CRPPA: variants seen among roughly 807,000 people sequenced by gnomAD.
The protein encoded by CRPPA is D-ribitol-5-phosphate cytidylyltransferase.
CRPPA carries 43 observed loss-of-function variants against 52.0 expected under a neutral mutation model. The ratio of observed to expected loss-of-function variants is 0.83; its 90% CI spans 0.65 to 1.07. CRPPA has a LOEUF of 1.07. Among genes scored for constraint, CRPPA ranks in the 50% least tolerant of loss-of-function variants. CRPPA has a pLI of 0.00. For missense variants in CRPPA, 629 were observed against 551.7 expected (o/e 1.14, Z -1.40); for synonymous variants, 250 against 203.5 (o/e 1.23, Z -1.94).
At chr7:16,217,408 T>C (rs1349530297) in intron 8 of CRPPA, among the ~76,000 whole-genome samples, 35 of 149,780 alleles carry the variant, frequency 2.3e-4, no homozygotes, top group Admixed American at 1.3e-4. Flanking sequence ...AGGAACGCAG[T>C]TCCTCACCAG....
intron 9 of CRPPA, among the ~76,000 whole-genome samples, chr7:16,189,306 G>C (rs1183891701): frequency 1.3e-5 from 2 of 152,146 alleles, no homozygotes; most frequent in South Asian, 4.1e-4. Flanking sequence ...ACAGAACTGG[G>C]TTGGGCACAG....
chr7:16,311,681 G>A (rs1322521613), intron 3 of CRPPA, among the ~76,000 whole-genome samples: 4 of 152,114 alleles, frequency 2.6e-5, no homozygotes, highest in African/African-American at 9.7e-5. Flanking sequence ...CTTATGGTAA[G>A]AGTATGTTTT....
Position 16,376,339 on chromosome 7 carries a change from C to T in CRPPA, c.535-98G>A, listed in dbSNP as rs1237116438. 3.4e-6 allele frequency: 4 copies of T among 1,183,552 alleles called. No individual in the cohort carries two copies. In the African/African-American group the frequency reaches 6.2e-5, roughly 18 times the overall value. 73.3% of individuals were successfully genotyped at this position (1,183,552 alleles called of 1,614,324 possible). A position where few individuals can be genotyped will look rare whatever the true frequency, so the allele number is the denominator to read the frequency against. ...TCACTTTTGACAGATCTTATTCATA[C>T]CTTCAACAAGCTACCTTAAGAAAAC... On this transcript the variant is annotated intron_variant, in intron 2 of 9. Coordinates refer to ENST00000407010, the MANE Select transcript of CRPPA (RefSeq NM_001101426.4).
chr7:16,357,128 A>G (rs1434558326), intron 3 of CRPPA, among the ~76,000 whole-genome samples: 1 of 152,026 alleles, frequency 6.6e-6, no homozygotes, highest in African/African-American at 2.4e-5. Context: ...CCCCCTGTGT[A>G]CACAGTTCAG....
At chr7:16,101,620 A>G in intron 9 of CRPPA, among the ~76,000 whole-genome samples, 1 of 151,970 alleles carries the variant, frequency 6.6e-6, no homozygotes, top group East Asian at 1.9e-4. Flanking sequence ...GATTGAGCAA[A>G]GTCTCGGGAT....
At chr7:16,191,536 T>C (rs978188173) in intron 9 of CRPPA, among the ~76,000 whole-genome samples, 6 of 152,142 alleles carry the variant, frequency 3.9e-5, no homozygotes, top group African/African-American at 1.2e-4. Flanking sequence ...CTCGGCACTG[T>C]GTTTTTACTG....
intron 2 of CRPPA, among the ~76,000 whole-genome samples, chr7:16,383,852 C>G (rs1034061536): frequency 1.3e-5 from 2 of 152,208 alleles, no homozygotes; most frequent in African/African-American, 4.8e-5. Flanking sequence ...GTCGGAAAAG[C>G]GCAGTATTAG....
At chr7:16,307,673 CAAAAAAAAAAA>C (rs55682769) in intron 4 of CRPPA, among the ~76,000 whole-genome samples, 7 of 44,366 alleles carry the variant, frequency 1.6e-4, no homozygotes, top group Admixed American at 3.1e-4. Flanking sequence ...GAAACTCTGT[CAAAAAAAAAAA>C]AAAAAAAAAA....
chr7:16,308,915 T>C (rs1477862110), intron 3 of CRPPA, among the ~76,000 whole-genome samples: 1 of 152,240 alleles, frequency 6.6e-6, no homozygotes, highest in Non-Finnish European at 1.5e-5. Context: ...TAATACTTTG[T>C]TTCCTTTGCT....
At chr7:16,171,945 T>C in intron 9 of CRPPA, among the ~76,000 whole-genome samples, 1 of 152,190 alleles carries the variant, frequency 6.6e-6, no homozygotes, top group Non-Finnish European at 1.5e-5. Flanking sequence ...TATTTTCCAG[T>C]GGTTTAGACA....
intron 7 of CRPPA, 133 bp from the exon 8 acceptor site, chr7:16,258,615 A>T: frequency 1.6e-6 from 1 of 628,860 alleles, no homozygotes; most frequent in Non-Finnish European, 2.6e-6. Flanking sequence ...ATTTAGAAAC[A>T]ATTTTAAAGG....
chr7:16,226,662 T>C (rs967617463), intron 8 of CRPPA, among the ~76,000 whole-genome samples: 2 of 151,906 alleles, frequency 1.3e-5, no homozygotes, highest in African/African-American at 4.8e-5. Flanking sequence ...CTACCACATA[T>C]AAAAGAAATA....
In CRPPA at chr7:16,245,226, A is replaced by G. The variant is rs535803454; in HGVS notation, c.1119+13164T>C. Reference sequence around the variant, plus strand: ...ATTTGCACATGCAAACACTCTATGTATGTATGTGTATCAGTAGTTTTCCCT... The same window carrying G: ...ATTTGCACATGCAAACACTCTATGTGTGTATGTGTATCAGTAGTTTTCCCT... On this transcript the variant is annotated intron_variant, in intron 8 of 9. Coordinates refer to ENST00000407010, the MANE Select transcript of CRPPA (RefSeq NM_001101426.4). 5.3e-5 allele frequency among the ~76,000 whole-genome samples: 8 copies of G among 152,362 alleles called. No homozygotes were observed. In the South Asian group the frequency reaches 1.7e-3, roughly 32 times the overall value.
rs79116671 is a variant in CRPPA at position 16,142,285 on chromosome 7, C to T, written c.1252-50486G>A. Among the ~76,000 whole-genome samples, 1,270 of 152,194 alleles carry T rather than the reference C, an allele frequency of 8.3e-3. 19 individuals are homozygous for T. The highest frequency in any genetic ancestry group is 0.029 in the African/African-American group (1,188 of 41,526). On this transcript the variant is annotated intron_variant, in intron 9 of 9. Transcript: ENST00000407010. ...ACTTGTGTCACAGAGGTTTGTTGTA[C>T]GTTATTTCATCCCCTAGGTACTAAG...
At chr7:16,311,212 C>A (rs1022271312) in intron 3 of CRPPA, among the ~76,000 whole-genome samples, 2 of 152,072 alleles carry the variant, frequency 1.3e-5, no homozygotes, top group Admixed American at 6.6e-5. Flanking sequence ...AGTTTAATTA[C>A]GACCCATGCA....
chr7:16,151,421 TC>T (rs947609811), intron 9 of CRPPA, among the ~76,000 whole-genome samples: 1 of 152,112 alleles, frequency 6.6e-6, no homozygotes, highest in African/African-American at 2.4e-5. Flanking sequence ...ATTTGTTTTT[TC>T]AAGCAATAGT....
At chr7:16,361,676 C>T (rs1786447962) in intron 3 of CRPPA, among the ~76,000 whole-genome samples, 1 of 152,040 alleles carries the variant, frequency 6.6e-6, no homozygotes, top group African/African-American at 2.4e-5. Flanking sequence ...GGGATTGCCA[C>T]GAGCTGGGAG....
At chr7:16,357,161 A>ATATT (rs34428357) in intron 3 of CRPPA, among the ~76,000 whole-genome samples, 22,078 of 149,256 alleles carry the variant, frequency 0.15, 1,719 homozygotes, top group Middle Eastern at 0.2. Context: ...CCTTTAGGGG[A>ATATT]TATTTATTTA....
chr7:16,389,927 AAATATAT>A (rs1407525189), intron 2 of CRPPA, among the ~76,000 whole-genome samples: 3 of 67,690 alleles, frequency 4.4e-5, no homozygotes, highest in African/African-American at 1.7e-4. Flanking sequence ...AAAAAAAAAA[AAATATAT>A]ATATATATAT....
Sources: gnomAD v4.1 joint callset for allele counts (sites outside exome capture counted in the v4.1 genomes callset) on GRCh38, gnomAD v4.1.1 for gene constraint, MANE v1.5 for transcripts, NCBI Gene and HGNC (gene_info 2026-07-23, HGNC 2026-07-21) for gene names.